STAU1: variants seen among roughly 807,000 people sequenced by gnomAD.
The protein encoded by STAU1 is staufen double-stranded RNA binding protein 1.
Under a neutral mutation model 62.9 loss-of-function variants are expected in STAU1, and 13 were observed. That is an observed-to-expected ratio of 0.21 (90% confidence interval 0.13 to 0.33). The LOEUF (loss-of-function observed/expected upper bound fraction) is 0.33. STAU1 is among the 10% of genes least tolerant of loss of function. The probability of loss-of-function intolerance (pLI) is 1.00; values close to 1 mark genes in which losing one functional copy is unlikely to be tolerated. For missense variants in STAU1, 571 were observed against 712.1 expected, an observed-to-expected ratio of 0.80 and a Z score of 2.25; for synonymous variants, 269 against 265.1, an observed-to-expected ratio of 1.01 and a Z score of -0.14.
At chr20:49,163,555 A>G (rs749372815) in intron 3 of STAU1, among the ~76,000 whole-genome samples, 6 of 150,146 alleles carry the variant, frequency 4.0e-5, no homozygotes, top group Non-Finnish European at 8.8e-5. Flanking sequence ...CCTCCCAAGT[A>G]GCTGGGAATA....
chr20:49,206,749 A>ATTTTTTTTTTTT, the STAU1 span, among the ~76,000 whole-genome samples: 1 of 73,154 alleles, frequency 1.4e-5, no homozygotes, highest in African/African-American at 5.3e-5. Context: ...ATATATATAT[A>ATTTTTTTTTTTT]TATTTTATTT....
the STAU1 span, among the ~76,000 whole-genome samples, chr20:49,199,570 C>A: frequency 4.6e-5 from 7 of 151,150 alleles, no homozygotes; most frequent in South Asian, 2.1e-4. Context: ...TTTTATTTTT[C>A]TTTTATTTAC....
chr20:49,145,183 T>C (rs1221478266), intron 5 of STAU1, among the ~76,000 whole-genome samples: 1 of 152,022 alleles, frequency 6.6e-6, no homozygotes, highest in Non-Finnish European at 1.5e-5. Flanking sequence ...CCCAGCACTT[T>C]GGGAGGCTGA....
intron 6 of STAU1, among the ~76,000 whole-genome samples, chr20:49,131,366 G>C (rs908606839): frequency 2.0e-5 from 3 of 152,148 alleles, no homozygotes; most frequent in Non-Finnish European, 4.4e-5. Context: ...TGTGTATTAG[G>C]TAACAGTACT....
Position 49,130,416 on chromosome 20 carries a change from G to A in STAU1, c.609+5417C>T, listed in dbSNP as rs558573936. 7.2e-5 allele frequency among the ~76,000 whole-genome samples: 11 copies of A among 152,048 alleles called. No individual in the cohort carries two copies. The South Asian group carries it at 1.9e-3, about 26-fold the overall frequency. On this transcript the variant is annotated intron_variant, in intron 6 of 13. Transcript: ENST00000371856. ...CCATATACACTTATCAAAACACATC[G>A]AACTGTGCACTTACACAGGGTGACT...
chr20:49,206,791 C>T, the STAU1 span, among the ~76,000 whole-genome samples: 2 of 135,260 alleles, frequency 1.5e-5, no homozygotes, highest in African/African-American at 2.9e-5. Flanking sequence ...GAGTCTGGCT[C>T]TGTCACCAGG....
At chr20:49,170,800 A>G (rs1024906925) in intron 2 of STAU1, among the ~76,000 whole-genome samples, 72 of 151,944 alleles carry the variant, frequency 4.7e-4, no homozygotes, top group Non-Finnish European at 8.2e-4. Flanking sequence ...AAAAAAAAAA[A>G]AAGAAGGAAA....
intron 2 of STAU1, among the ~76,000 whole-genome samples, chr20:49,167,340 AT>A (rs942923612): frequency 9.9e-5 from 15 of 152,168 alleles, no homozygotes; most frequent in African/African-American, 3.1e-4. Context: ...AGTTACTTTA[AT>A]TTTTTTTAAG....
intron 1 of STAU1, among the ~76,000 whole-genome samples, chr20:49,175,957 G>A (rs942193075): frequency 6.6e-6 from 1 of 151,856 alleles, no homozygotes; most frequent in African/African-American, 2.4e-5. Flanking sequence ...ACCTCGCCCG[G>A]CTAATTTTTT....
intron 5 of STAU1, among the ~76,000 whole-genome samples, chr20:49,140,531 C>T (rs529004888): frequency 5.3e-5 from 8 of 151,960 alleles, no homozygotes; most frequent in Middle Eastern, 3.4e-3. Context: ...GAAAACATTA[C>T]AGTAAGTAAC....
chr20:49,181,766 C>CA lies in STAU1; in HGVS notation c.-160+6349dup, dbSNP rs758956478. Among the ~76,000 whole-genome samples the CA allele has an allele frequency of 2.6e-3, 63 of 24,562 alleles. 1 individual carries two copies. Among genetic ancestry groups the CA allele is most frequent in the African/African-American group, 8.2e-3 (33 of 4,048 alleles). 16.1% of individuals were successfully genotyped at this position (24,562 alleles called of 152,430 possible). On this transcript the variant is annotated intron_variant, in intron 1 of 13. Coordinates refer to ENST00000371856, the MANE Select transcript of STAU1 (RefSeq NM_017453.4). ...GGGCAACAGAGCAAGACTATCTCAACAAAAAAAAAAAAAAAAAAAAAAAAA... is the reference window on the plus strand; with the variant it reads ...GGGCAACAGAGCAAGACTATCTCAACAAAAAAAAAAAAAAAAAAAAAAAAAA...
the STAU1 span, among the ~76,000 whole-genome samples, chr20:49,213,244 T>G: frequency 6.6e-6 from 1 of 151,874 alleles, no homozygotes. Context: ...CTCAATTTTT[T>G]TTTTTAGACA....
intron 9 of STAU1, among the ~76,000 whole-genome samples, chr20:49,119,763 GAC>G (rs758201640): frequency 2.0e-5 from 3 of 152,120 alleles, no homozygotes; most frequent in Admixed American, 6.5e-5. Context: ...CAAAGATACT[GAC>G]ACAATCAACG....
chr20:49,151,007 T>C (rs2093237785), intron 5 of STAU1, among the ~76,000 whole-genome samples: 1 of 152,106 alleles, frequency 6.6e-6, no homozygotes. Flanking sequence ...CCCGTGCAGA[T>C]CCACTTCAAC....
intron 5 of STAU1, among the ~76,000 whole-genome samples, chr20:49,144,259 TAAAAGA>T (rs1467994068): frequency 2.0e-5 from 3 of 150,528 alleles, no homozygotes; most frequent in Non-Finnish European, 4.4e-5. Context: ...CGGCCAAACA[TAAAAGA>T]TAAAAGAATG....
At chr20:49,138,809 A>C (rs1182588387) in intron 5 of STAU1, among the ~76,000 whole-genome samples, 1 of 152,040 alleles carries the variant, frequency 6.6e-6, no homozygotes, top group African/African-American at 2.4e-5. Context: ...CCACACTTGT[A>C]TTTTTGTTTA....
At chr20:49,209,830 C>T in the STAU1 span, among the ~76,000 whole-genome samples, 4 of 152,066 alleles carry the variant, frequency 2.6e-5, no homozygotes, top group African/African-American at 7.2e-5. Context: ...AGGCGGATCA[C>T]GAGGTCAGGA....
chr20:49,161,763 G>A (rs2093451930), intron 3 of STAU1, among the ~76,000 whole-genome samples: 1 of 152,148 alleles, frequency 6.6e-6, no homozygotes, highest in Non-Finnish European at 1.5e-5. Flanking sequence ...TGAAAATAGA[G>A]GAAAAACAAA....
chr20:49,143,827 T>C (rs1476056400), intron 5 of STAU1, among the ~76,000 whole-genome samples: 1 of 152,194 alleles, frequency 6.6e-6, no homozygotes, highest in African/African-American at 2.4e-5. Context: ...CTTATCCCAA[T>C]GTTTCTAATT....
Sources: gnomAD v4.1 joint callset for allele counts (sites outside exome capture counted in the v4.1 genomes callset) on GRCh38, gnomAD v4.1.1 for gene constraint, MANE v1.5 for transcripts, NCBI Gene and HGNC (gene_info 2026-07-23, HGNC 2026-07-21) for gene names.